NAT10: variants seen among roughly 807,000 people sequenced by gnomAD.
The protein encoded by NAT10 is RNA cytidine acetyltransferase.
Under a neutral mutation model 132.2 loss-of-function variants are expected in NAT10, and 109 were observed. That is an observed-to-expected ratio of 0.82 (90% confidence interval 0.71 to 0.97). The LOEUF (loss-of-function observed/expected upper bound fraction) is 0.97, where lower values mean the gene tolerates loss of function less well. Ranked by LOEUF, NAT10 falls within the 50% of genes least tolerant of loss-of-function variation. NAT10 has a pLI of 0.00. For synonymous variants in NAT10, 479 were observed against 478.0 expected (o/e 1.00, Z -0.03); for missense variants, 1,184 against 1,263.4 (o/e 0.94, Z 0.95).
At chr11:34,109,000 A>G (rs1318679236) in intron 3 of NAT10, among the ~76,000 whole-genome samples, 167 bp downstream of exon 3, 1 of 152,214 alleles carries the variant, frequency 6.6e-6, no homozygotes, top group South Asian at 2.1e-4. Flanking sequence ...ATAAGTTTCA[A>G]ATCATTTTCA....
intron 16 of NAT10, 42 bp downstream of exon 16, chr11:34,133,184 C>T (rs376709155): frequency 1.3e-5 from 19 of 1,420,434 alleles, no homozygotes; most frequent in African/African-American, 4.2e-5. Context: ...ATTTGGGGAA[C>T]CACTGAGGCA....
chr11:34,109,464 C>T (rs1382077438), intron 3 of NAT10, among the ~76,000 whole-genome samples: 2 of 152,178 alleles, frequency 1.3e-5, no homozygotes, highest in Non-Finnish European at 2.9e-5. Flanking sequence ...AGTCTGGTTT[C>T]TGCTTCTATA....
At chr11:34,141,408 T>TCACACACACACACACACACACA (rs59489457) in intron 25 of NAT10, among the ~76,000 whole-genome samples, 200 bp downstream of exon 25, 52 of 132,956 alleles carry the variant, frequency 3.9e-4, no homozygotes, top group African/African-American at 1.4e-3. Context: ...TCATCACACA[T>TCACACACACACACACACACACA]CACACACACA....
chr11:34,124,172 AAG>A, intron 10 of NAT10, 128 bp from the exon 11 acceptor site: 2 of 671,162 alleles, frequency 3.0e-6, no homozygotes, highest in East Asian at 5.6e-5. Flanking sequence ...CAAAAAAAAA[AAG>A]GATTTTTATT....
At chr11:34,138,855 G>T (rs1852266172) in intron 21 of NAT10, 1 of 252,056 alleles carries the variant, frequency 4.0e-6, no homozygotes. Flanking sequence ...CCTAATGACT[G>T]AGTTCAGCAT....
chr11:34,139,522 G>A (rs1317345455), intron 23 of NAT10, 27 bp downstream of exon 23: 6 of 1,591,676 alleles, frequency 3.8e-6, no homozygotes, highest in Non-Finnish European at 5.2e-6. Context: ...CAGGGAGGAG[G>A]GTTGGGAATG....
At chr11:34,131,255 A>T in intron 13 of NAT10, 126 bp from the exon 14 acceptor site, 2 of 1,343,738 alleles carry the variant, frequency 1.5e-6, no homozygotes, top group Non-Finnish European at 2.0e-6. Flanking sequence ...CACCCAGTTT[A>T]AATTCTTACC....
In NAT10 at chr11:34,113,776, G is replaced by A. The variant is rs1402876360; in HGVS notation, c.433G>A (p.Gly145Arg). Residue 145 changes from glycine to arginine, a missense_variant, in exon 5 of 29, where the codon GGG becomes AGG. Physicochemically the swap from Gly to Arg is moderately radical, Grantham distance 125. Coordinates refer to ENST00000257829, the MANE Select transcript of NAT10 (RefSeq NM_024662.3). ...GACTGTAGAAACAGTGGAAGGTGGTGGGCTAGTGGTCATCCTCCTACGGAC... is the reference window on the plus strand; with the variant it reads ...GACTGTAGAAACAGTGGAAGGTGGTAGGCTAGTGGTCATCCTCCTACGGAC... ...ARTVETVEGG[G>R]LVVILLRTMN... 1 of 1,614,130 alleles carries A rather than the reference G, an allele frequency of 6.2e-7. No homozygotes were observed. Among genetic ancestry groups the A allele is most frequent in the Non-Finnish European group, 8.5e-7 (1 of 1,180,004 alleles).
In NAT10 at chr11:34,118,271, G is replaced by T. The variant is rs1176072072; in HGVS notation, c.649G>T (p.Glu217Ter). The T allele has an allele frequency of 6.2e-7, 1 of 1,614,146 alleles. No homozygotes were observed. The highest frequency in any genetic ancestry group is 8.5e-7 in the Non-Finnish European group (1 of 1,180,020). Residue 217 changes from glutamate to a stop codon, truncating the protein, a stop_gained, in exon 7 of 29, where the codon GAG becomes TAG. Coordinates refer to ENST00000257829, the MANE Select transcript of NAT10 (RefSeq NM_024662.3). LOFTEE classifies it high-confidence loss of function. ...LPISSHVATM[E>*]ALPPQTPDES... Reference sequence around the variant, plus strand: ...CATCTCCTCCCACGTTGCCACCATGGAGGCCCTGCCTCCCCAGACTCCGGT... The same window carrying T: ...CATCTCCTCCCACGTTGCCACCATGTAGGCCCTGCCTCCCCAGACTCCGGT...
chr11:34,135,325 G>C, intron 19 of NAT10, 34 bp downstream of exon 19: 1 of 1,568,334 alleles, frequency 6.4e-7, no homozygotes, highest in Non-Finnish European at 8.8e-7. Context: ...CTGTGTCCTG[G>C]TTCTTGGGAG....
At chr11:34,140,645 G>C in intron 24 of NAT10, 73 bp downstream of exon 24, 1 of 1,511,284 alleles carries the variant, frequency 6.6e-7, no homozygotes, top group Non-Finnish European at 9.0e-7. Context: ...TGTTGGGTTG[G>C]GCACTTGGAC....
At chr11:34,134,679 G>C in intron 18 of NAT10, 93 bp downstream of exon 18, 1 of 1,028,162 alleles carries the variant, frequency 9.7e-7, no homozygotes, top group Admixed American at 1.9e-5. Context: ...TGGTCAAGCA[G>C]AAGCAAGTGA....
chr11:34,135,215 A>G lies in NAT10; in HGVS notation c.1952A>G (p.Tyr651Cys), dbSNP rs752228317. The stretch of plus-strand genomic sequence containing the variant: ...CGTGCTCTGCAGCTGCTGCAGATGT[A>G]CTATGAAGGCAGGTTTCCTTGTCTG... ...GSRALQLLQM[Y>C]YEGRFPCLEE... The change falls in exon 19 of 29, where the codon TAC (tyrosine) becomes TGC (cysteine). Residue 651 changes from tyrosine (Y) to cysteine (C), a missense_variant. By Grantham distance (194) the Tyr-to-Cys change is radical. Coordinates refer to ENST00000257829, the MANE Select transcript of NAT10 (RefSeq NM_024662.3). The G allele has an allele frequency of 6.2e-7, 1 of 1,614,170 alleles. No homozygotes were observed. The highest frequency in any genetic ancestry group is 8.5e-7 in the Non-Finnish European group (1 of 1,180,020).
At chr11:34,132,281 C>T in intron 15 of NAT10, 60 bp downstream of exon 15, 1 of 1,356,434 alleles carries the variant, frequency 7.4e-7, no homozygotes, top group Non-Finnish European at 1.1e-6. Flanking sequence ...TGGCAGTCCC[C>T]TTTTACTTGA....
chr11:34,135,251 T>A lies in NAT10; in HGVS notation c.1988T>A (p.Val663Asp), dbSNP rs1250002785. Residue 663 changes from valine (V) to aspartate (D), a missense_variant, in exon 19 of 29, where the codon GTC becomes GAC. Coordinates refer to ENST00000257829, the MANE Select transcript of NAT10 (RefSeq NM_024662.3). Reference sequence around the variant, plus strand: ...AGGTTTCCTTGTCTGGAGGAAAAGGTCCTTGAGACACCACAGGAAATTCAC... The same window carrying A: ...AGGTTTCCTTGTCTGGAGGAAAAGGACCTTGAGACACCACAGGAAATTCAC... Reference protein sequence around the residue: ...EGRFPCLEEKVLETPQEIHTV... With the variant: ...EGRFPCLEEKDLETPQEIHTV... 1 of 1,614,116 alleles carries A rather than the reference T, an allele frequency of 6.2e-7. No homozygotes were observed. Among genetic ancestry groups the A allele is most frequent in the Admixed American group, 1.7e-5 (1 of 60,034 alleles).
At chr11:34,121,643 C>T (rs768723400) in intron 8 of NAT10, among the ~76,000 whole-genome samples, 2 of 151,810 alleles carry the variant, frequency 1.3e-5, no homozygotes, top group African/African-American at 2.4e-5. Flanking sequence ...GAGCGGATCA[C>T]GAGGTCAAGA....
chr11:34,128,887 C>T (rs1451270530), intron 12 of NAT10, among the ~76,000 whole-genome samples: 4 of 152,090 alleles, frequency 2.6e-5, no homozygotes, highest in South Asian at 2.1e-4. Context: ...TTTCTGTACC[C>T]ATAGATTTGC....
At position 34,141,287 on chromosome 11, in the gene NAT10, C is replaced by T. The variant is rs1181722535; in HGVS notation, c.2712+79C>T. ...CCACTCCCTGCTCCCGAGATGAACA[C>T]ATGTTAGCATTTAGCTGTGTTTGCT... On this transcript the variant is annotated intron_variant, in intron 25 of 28. Transcript: ENST00000257829. 5.0e-6 allele frequency: 8 copies of T among 1,587,304 alleles called. No individual in the cohort carries two copies. The Admixed American group carries it at 5.1e-5, about 10-fold the overall frequency.
In NAT10 at chr11:34,140,413, G is replaced by A. The variant is rs752356036; in HGVS notation, c.2433G>A (p.Glu811=). 1 of 1,613,726 alleles carries A rather than the reference G, an allele frequency of 6.2e-7. No homozygotes were observed. The highest frequency in any genetic ancestry group is 1.1e-5 in the South Asian group (1 of 91,072). Residue 811 remains glutamate, a synonymous_variant, in exon 24 of 29, where the codon GAG becomes GAA. Transcript: ENST00000257829. ...TCCCATGGACAGCCCTGAGCCGGGA[G>A]GAGCTGGAAGCACTCTTCCTCCCCT... ...GKPAQPALSR[E]ELEALFLPYD... is the part of the protein sequence containing the mutation.
Sources: allele counts gnomAD v4.1 joint callset (sites outside exome capture counted in the v4.1 genomes callset), GRCh38; gene constraint gnomAD v4.1.1; transcripts MANE v1.5; gene names NCBI Gene and HGNC (gene_info 2026-07-23, HGNC 2026-07-21).